HOXA4: variants seen among roughly 807,000 people sequenced by gnomAD.
HOXA4 encodes the protein homeobox A4, also known as homeobox protein Hox-A4.
In HOXA4, 31 loss-of-function variants were observed where a neutral mutation model predicts 25.3. The ratio of observed to expected loss-of-function variants is 1.22; its 90% confidence interval spans 0.92 to 1.65. The LOEUF is 1.65. Ranked by LOEUF, HOXA4 falls within the 40% of genes most tolerant of loss-of-function variation. The probability of loss-of-function intolerance (pLI) is 0.00; values close to 1 mark genes in which losing one functional copy is unlikely to be tolerated. For synonymous variants in HOXA4, 225 were observed against 207.7 expected (o/e 1.08, Z -0.72); for missense variants, 459 against 446.0 (o/e 1.03, Z -0.26).
At position 27,130,317 on chromosome 7, in the gene HOXA4, C is replaced by G; in HGVS notation, c.417G>C (p.Gln139His). The G allele has an allele frequency of 9.2e-7, 1 of 1,089,806 alleles. No homozygotes were observed. The highest frequency in any genetic ancestry group is 1.1e-6 in the Non-Finnish European group (1 of 897,476). 67.5% of individuals were successfully genotyped at this position (1,089,806 alleles called of 1,614,324 possible). Residue 139 changes from glutamine to histidine, a missense_variant, in exon 1 of 2, where the codon CAG (glutamine) becomes CAC (histidine). By Grantham distance (24) the Gln-to-His change is conservative (BLOSUM62 0). Coordinates refer to ENST00000360046, the MANE Select transcript of HOXA4 (RefSeq NM_002141.5). ...CGCGAGGCTGCAGGGGCGGCGGCAG[C>G]TGGGGCTGCAGGACGTGGCTCGCAT... ...GLHASHVLQP[Q>H]LPPPLQPRAV...
At position 27,129,580 on chromosome 7, in the gene HOXA4, C is replaced by G. The variant is rs749284884; in HGVS notation, c.617-9G>C. ...GTTATAACTGGGGTTAACTGAAAAC[C>G]CAGAACCCCGAAATAGAAGGCCAAG... On this transcript the variant is annotated splice_polypyrimidine_tract_variant and intron_variant, in intron 1 of 1. Transcript: ENST00000360046. 1 of 1,610,576 alleles carries G rather than the reference C, an allele frequency of 6.2e-7. No homozygotes were observed. The highest frequency in any genetic ancestry group is 1.7e-5 in the Admixed American group (1 of 59,996).
In HOXA4 at chr7:27,130,730, T is replaced by C. The variant is rs771607598; in HGVS notation, c.4A>G (p.Thr2Ala). 3.7e-6 allele frequency: 6 copies of C among 1,605,246 alleles called. No individual in the cohort carries two copies. In the South Asian group the frequency reaches 6.7e-5, roughly 18 times the overall value. Residue 2 changes from threonine to alanine, a missense_variant, in exon 1 of 2, where the codon ACC becomes GCC. Transcript: ENST00000360046. ...GAGTTTATCAAAAACGAGCTCATGGTCATTAATTTGTGAAGTGCAAAAATA... is the reference window on the plus strand; with the variant it reads ...GAGTTTATCAAAAACGAGCTCATGGCCATTAATTTGTGAAGTGCAAAAATA... M[T>A]MSSFLINSNY...
chr7:27,128,622 C>T lies in HOXA4; in HGVS notation c.*603G>A. ...ATAAGTCTAAATGCACTCCCCTCTC[C>T]CCAAAGACCGTGCCCCAGAAGGGGA... On this transcript the variant is annotated 3_prime_UTR_variant, in exon 2 of 2. Coordinates refer to ENST00000360046, the MANE Select transcript of HOXA4 (RefSeq NM_002141.5). 6.3e-6 allele frequency: 1 copy of T among 158,076 alleles called. No individual in the cohort carries two copies. The highest frequency in any genetic ancestry group is 6.0e-5 in the Admixed American group (1 of 16,752). 9.8% of individuals were successfully genotyped at this position (158,076 alleles called of 1,614,324 possible).
rs144521145 is a variant in HOXA4, at chr7:27,130,667, A to G, written c.67T>C (p.Tyr23His). Residue 23 changes from tyrosine (Y) to histidine (H), a missense_variant, in exon 1 of 2, where the codon TAC (tyrosine) becomes CAC (histidine). Physicochemically the swap from Tyr to His is moderately conservative, Grantham distance 83. Coordinates refer to ENST00000360046, the MANE Select transcript of HOXA4 (RefSeq NM_002141.5). ...IEPKFPPFEE[Y>H]AQHSGSGGAD... is the part of the protein sequence containing the mutation. ...CCGCCCGAGCCGCTGTGCTGCGCGT[A>G]CTCCTCGAAGGGAGGGAACTTGGGC... 61 of 1,606,614 alleles carry G rather than the reference A, an allele frequency of 3.8e-5. No individual in the cohort carries two copies. The highest frequency in any genetic ancestry group is 5.0e-5 in the Non-Finnish European group (59 of 1,176,446).
Position 27,129,587 on chromosome 7 carries a change from C to T in HOXA4, c.617-16G>A. 1 of 1,609,266 alleles carries T rather than the reference C, an allele frequency of 6.2e-7. No homozygotes were observed. On this transcript the variant is annotated splice_polypyrimidine_tract_variant and intron_variant, in intron 1 of 1. Coordinates refer to ENST00000360046, the MANE Select transcript of HOXA4 (RefSeq NM_002141.5). Reference sequence around the variant, plus strand: ...CTGGGGTTAACTGAAAACCCAGAACCCCGAAATAGAAGGCCAAGGAGGAGG... The same window carrying T: ...CTGGGGTTAACTGAAAACCCAGAACTCCGAAATAGAAGGCCAAGGAGGAGG...
In HOXA4 at chr7:27,130,541, C is replaced by G; in HGVS notation, c.193G>C (p.Gly65Arg). 7.3e-7 allele frequency: 1 copy of G among 1,373,786 alleles called. No individual in the cohort carries two copies. Among genetic ancestry groups the G allele is most frequent in the Middle Eastern group, 2.6e-4 (1 of 3,840 alleles). The allele number at this position is 1,373,786 out of a possible 1,614,324, so 85.1% of individuals were successfully genotyped here. A position where few individuals can be genotyped will look rare whatever the true frequency, so the allele number is the denominator to read the frequency against. ...TAGGAGGCAGTGGGCTCTCGGCCGC[C>G]GCCCGCGTGAGGGAGCTGGGGCTGC... ...LQQPQLPHAG[G>R]GREPTASYYA... The change falls in exon 1 of 2, where the codon GGC becomes CGC. Residue 65 changes from glycine (G) to arginine (R), a missense_variant. Coordinates refer to ENST00000360046, the MANE Select transcript of HOXA4 (RefSeq NM_002141.5).
At chr7:27,129,680 T>C in intron 1 of HOXA4, 109 bp from the exon 2 acceptor site, 2 of 1,191,206 alleles carry the variant, frequency 1.7e-6, no homozygotes. Flanking sequence ...GACATCATCA[T>C]TATATAATAA....
rs1381752319 is a variant in HOXA4 at position 27,130,577 on chromosome 7, G to A, written c.157C>T (p.Leu53=). The A allele has an allele frequency of 2.1e-6, 3 of 1,454,574 alleles. No individual in the cohort carries two copies. The highest frequency in any genetic ancestry group is 3.0e-5 in the African/African-American group (2 of 66,582). The allele number at this position is 1,454,574 out of a possible 1,614,324, so 90.1% of individuals were successfully genotyped here. ...GGGAGCTGGGGCTGCTGCAGCGGCA[G>A]GTGCTGGGTCGGGGGCGCTGGGGGC... is the stretch of plus-strand genomic sequence containing the variant. The part of the protein sequence containing the change: ...QQPPAPPTQH[L]PLQQPQLPHA... Residue 53 remains leucine (L), a synonymous_variant, in exon 1 of 2, where the codon CTG becomes TTG. Coordinates refer to ENST00000360046, the MANE Select transcript of HOXA4 (RefSeq NM_002141.5).
rs534027729 is a variant in HOXA4, at chr7:27,129,256, C to A, written c.932G>T (p.Ser311Ile). The A allele has an allele frequency of 1.5e-5, 24 of 1,599,522 alleles. No individual in the cohort carries two copies. The highest frequency in any genetic ancestry group is 2.0e-5 in the Non-Finnish European group (23 of 1,168,578). Residue 311 changes from serine (S) to isoleucine (I), a missense_variant, in exon 2 of 2, where the codon AGC becomes ATC. By Grantham distance (142) the Ser-to-Ile change is moderately radical. Transcript: ENST00000360046. Reference sequence around the variant, plus strand: ...GGAGGAGGGAACGGGTGTGGAGGTGCTCGGGTGGGGGTGGGGATGGAGGTG... The same window carrying A: ...GGAGGAGGGAACGGGTGTGGAGGTGATCGGGTGGGGGTGGGGATGGAGGTG... ...SPHLHPHPHPSTSTPVPSSI is the reference protein window; with the variant it reads ...SPHLHPHPHPITSTPVPSSI
In HOXA4 at chr7:27,129,077, G is replaced by T; in HGVS notation, c.*148C>A. The T allele has an allele frequency of 1.4e-6, 1 of 708,470 alleles. No homozygotes were observed. The highest frequency in any genetic ancestry group is 2.5e-6 in the Non-Finnish European group (1 of 392,894). The allele number at this position is 708,470 out of a possible 1,614,324, so 43.9% of individuals were successfully genotyped here. A position where few individuals can be genotyped will look rare whatever the true frequency, so the allele number is the denominator to read the frequency against. On this transcript the variant is annotated 3_prime_UTR_variant, in exon 2 of 2. Coordinates refer to ENST00000360046, the MANE Select transcript of HOXA4 (RefSeq NM_002141.5). The stretch of plus-strand genomic sequence containing the variant: ...CAGCACAGACTCTTAACCGGATAAT[G>T]TCTTCTTTTTGATTATTCTTTTCAC...
In HOXA4 at chr7:27,130,263, G is replaced by T; in HGVS notation, c.471C>A (p.Cys157Ter). 1 of 1,183,516 alleles carries T rather than the reference G, an allele frequency of 8.4e-7. No homozygotes were observed. Among genetic ancestry groups the T allele is most frequent in the Non-Finnish European group, 1.0e-6 (1 of 955,644 alleles). 73.3% of individuals were successfully genotyped at this position (1,183,516 alleles called of 1,614,324 possible). The part of the protein sequence containing the change: ...RAVPPAAPRR[C>*]EAAPATPGVP... ...CGCCTGGGGTGGCGGGGGCCGCCTC[G>T]CAGCGCCGCGGGGCCGCTGGGGGCA... Residue 157 changes from cysteine to a stop codon, truncating the protein, a stop_gained, in exon 1 of 2, where the codon TGC becomes TGA. Transcript: ENST00000360046. LOFTEE classifies it high-confidence loss of function.
rs571546730 is a variant in HOXA4, at chr7:27,129,253, G to A, written c.935C>T (p.Thr312Ile). 2 of 1,602,746 alleles carry A rather than the reference G, an allele frequency of 1.2e-6. No individual in the cohort carries two copies. The highest frequency in any genetic ancestry group is 1.1e-5 in the South Asian group (1 of 90,846). Reference protein sequence around the residue: ...PHLHPHPHPSTSTPVPSSI With the variant: ...PHLHPHPHPSISTPVPSSI ...TATGGAGGAGGGAACGGGTGTGGAGGTGCTCGGGTGGGGGTGGGGATGGAG... is the reference window on the plus strand; with the variant it reads ...TATGGAGGAGGGAACGGGTGTGGAGATGCTCGGGTGGGGGTGGGGATGGAG... The change falls in exon 2 of 2, where the codon ACC (threonine) becomes ATC (isoleucine). Residue 312 changes from threonine to isoleucine, a missense_variant. By Grantham distance (89) the Thr-to-Ile change is moderately conservative (BLOSUM62 -1). Coordinates refer to ENST00000360046, the MANE Select transcript of HOXA4 (RefSeq NM_002141.5).
chr7:27,129,905 C>T (rs893553015), intron 1 of HOXA4: 49 of 622,934 alleles, frequency 7.9e-5, no homozygotes, highest in South Asian at 3.5e-4. Context: ...TCGTAAATCT[C>T]CTGATAAAGG....
chr7:27,129,120 G>T lies in HOXA4; in HGVS notation c.*105C>A, dbSNP rs1785402127. On this transcript the variant is annotated 3_prime_UTR_variant, in exon 2 of 2. Coordinates refer to ENST00000360046, the MANE Select transcript of HOXA4 (RefSeq NM_002141.5). ...CTTTTCACCAATTTGGGTTTGTTTT[G>T]GTGTCTATTATGGTCCAGATGGGGA... The T allele has an allele frequency of 2.6e-6, 2 of 781,296 alleles. No homozygotes were observed. Among genetic ancestry groups the T allele is most frequent in the Non-Finnish European group, 4.6e-6 (2 of 436,864 alleles). 48.4% of individuals were successfully genotyped at this position (781,296 alleles called of 1,614,324 possible).
rs1249638829 is a variant in HOXA4 at position 27,129,517 on chromosome 7, C to A, written c.671G>T (p.Arg224Leu). 9.3e-6 allele frequency: 15 copies of A among 1,614,068 alleles called. No homozygotes were observed. The highest frequency in any genetic ancestry group is 1.3e-5 in the Non-Finnish European group (15 of 1,180,028). ...EPKRSRTAYT[R>L]QQVLELEKEF... ...CTTCTCCAGCTCCAAGACCTGCTGC[C>A]GGGTGTAGGCGGTTCGAGAGCGCTT... Residue 224 changes from arginine to leucine, a missense_variant, in exon 2 of 2, where the codon CGG becomes CTG. By Grantham distance (102) the Arg-to-Leu change is moderately radical. Coordinates refer to ENST00000360046, the MANE Select transcript of HOXA4 (RefSeq NM_002141.5).
At position 27,130,384 on chromosome 7, in the gene HOXA4, T is replaced by C. The variant is rs1157678030; in HGVS notation, c.350A>G (p.Glu117Gly). Residue 117 changes from glutamate to glycine, a missense_variant, in exon 1 of 2, where the codon GAG (glutamate) becomes GGG (glycine). Transcript: ENST00000360046. ...GCCCTTGGCTTGCGCCGGGGGCTGC[T>C]CGGGCTGGGGCGGCCGCCCGGGGCT... ...GASPGRPPQPEQPPAQAKGPA... is the reference protein window; with the variant it reads ...GASPGRPPQPGQPPAQAKGPA... 26 of 1,151,934 alleles carry C rather than the reference T, an allele frequency of 2.3e-5. No homozygotes were observed. The highest frequency in any genetic ancestry group is 2.5e-5 in the Non-Finnish European group (23 of 937,650). The allele number at this position is 1,151,934 out of a possible 1,614,324, so 71.4% of individuals were successfully genotyped here. A position where few individuals can be genotyped will look rare whatever the true frequency, so the allele number is the denominator to read the frequency against.
Position 27,130,539 on chromosome 7 carries a change from G to A in HOXA4, c.195C>T (p.Gly65=), listed in dbSNP as rs1302256131. The change falls in exon 1 of 2, where the codon GGC becomes GGT. Residue 65 remains glycine (G), a synonymous_variant. Transcript: ENST00000360046. ...LQQPQLPHAG[G]GREPTASYYA... ...AGTAGGAGGCAGTGGGCTCTCGGCC[G>A]CCGCCCGCGTGAGGGAGCTGGGGCT... 7.3e-7 allele frequency: 1 copy of A among 1,367,498 alleles called. No individual in the cohort carries two copies. The highest frequency in any genetic ancestry group is 1.8e-5 in the South Asian group (1 of 55,310). 84.7% of individuals were successfully genotyped at this position (1,367,498 alleles called of 1,614,324 possible).
In HOXA4 at chr7:27,130,492, T is replaced by A; in HGVS notation, c.242A>T (p.Glu81Val). Residue 81 changes from glutamate to valine, a missense_variant, in exon 1 of 2, where the codon GAG becomes GTG. Physicochemically the swap from Glu to Val is moderately radical, Grantham distance 121. Coordinates refer to ENST00000360046, the MANE Select transcript of HOXA4 (RefSeq NM_002141.5). ...ASYYAPRTAR[E>V]PAYPAAALYP... ...CAGCGCGGCAGCAGGGTAGGCGGGC[T>A]CGCGGGCGGTCCGCGGCGCGTAGTA... The A allele has an allele frequency of 7.8e-7, 1 of 1,279,378 alleles. No individual in the cohort carries two copies. Among genetic ancestry groups the A allele is most frequent in the East Asian group, 3.4e-5 (1 of 29,590 alleles). 79.3% of individuals were successfully genotyped at this position (1,279,378 alleles called of 1,614,324 possible).
chr7:27,129,162 G>T lies in HOXA4; in HGVS notation c.*63C>A. The T allele has an allele frequency of 1.0e-6, 1 of 993,920 alleles. No homozygotes were observed. Among genetic ancestry groups the T allele is most frequent in the Non-Finnish European group, 1.6e-6 (1 of 615,092 alleles). The allele number at this position is 993,920 out of a possible 1,614,324, so 61.6% of individuals were successfully genotyped here. On this transcript the variant is annotated 3_prime_UTR_variant, in exon 2 of 2. Coordinates refer to ENST00000360046, the MANE Select transcript of HOXA4 (RefSeq NM_002141.5). ...AGATGGGGAGGGGTGGATGAGGAACGGAGCAGGAGAAGAGAAGAGAAAAGC... is the reference window on the plus strand; with the variant it reads ...AGATGGGGAGGGGTGGATGAGGAACTGAGCAGGAGAAGAGAAGAGAAAAGC...
Sources: gnomAD v4.1 joint callset for allele counts on GRCh38, gnomAD v4.1.1 for gene constraint, MANE v1.5 for transcripts, NCBI Gene and HGNC (gene_info 2026-07-23, HGNC 2026-07-21) for gene names.